The following KHDRBS2 variants were observed in gnomAD, a reference collection of about 807,000 sequenced individuals.
KHDRBS2 encodes KH domain-containing, RNA-binding, signal transduction-associated protein 2.
Under a neutral mutation model 44.3 loss-of-function variants are expected in KHDRBS2, and 26 were observed. That is an observed-to-expected ratio of 0.59 (90% CI 0.43 to 0.81). The LOEUF (loss-of-function observed/expected upper bound fraction) is 0.81, where lower values mean the gene tolerates loss of function less well. Ranked by LOEUF, KHDRBS2 falls within the 40% of genes least tolerant of loss-of-function variation. The pLI is 0.00. For synonymous variants in KHDRBS2, 194 were observed against 151.1 expected, an observed-to-expected ratio of 1.28 and a Z score of -2.08; for missense variants, 476 against 433.1, an observed-to-expected ratio of 1.10 and a Z score of -0.88.
the KHDRBS2 span, among the ~76,000 whole-genome samples, chr6:61,607,615 A>T: frequency 3.6e-4 from 53 of 148,860 alleles, no homozygotes; most frequent in Middle Eastern, 0.011. Flanking sequence ...GATGATTTTT[A>T]AAAAAATTAA....
At chr6:62,207,058 G>C (rs369983282) in intron 1 of KHDRBS2, among the ~76,000 whole-genome samples, 1 of 151,960 alleles carries the variant, frequency 6.6e-6, no homozygotes, top group Admixed American at 6.6e-5. Flanking sequence ...CTTTAATCCT[G>C]TAAGACTTTA....
intron 2 of KHDRBS2, among the ~76,000 whole-genome samples, chr6:62,079,088 G>A (rs1250504551): frequency 6.6e-6 from 1 of 151,882 alleles, no homozygotes; most frequent in African/African-American, 2.4e-5. Context: ...TTTAAATCAT[G>A]AACTAAGCAC....
At chr6:61,553,090 T>A in the KHDRBS2 span, among the ~76,000 whole-genome samples, 1 of 152,198 alleles carries the variant, frequency 6.6e-6, no homozygotes, top group Non-Finnish European at 1.5e-5. Context: ...TTGCTCTTCT[T>A]TATACAAGTG....
intron 3 of KHDRBS2, among the ~76,000 whole-genome samples, chr6:62,020,366 T>G (rs909193425): frequency 3.9e-5 from 6 of 152,022 alleles, no homozygotes; most frequent in African/African-American, 9.6e-5. Context: ...TCACCCAGAA[T>G]GTGGTATACT....
chr6:62,098,773 C>A (rs1801215154), intron 2 of KHDRBS2, among the ~76,000 whole-genome samples: 1 of 152,128 alleles, frequency 6.6e-6, no homozygotes. Context: ...ACCCAGAAAA[C>A]ATGAAAAGTT....
the KHDRBS2 span, among the ~76,000 whole-genome samples, chr6:61,632,539 C>A: frequency 6.6e-6 from 1 of 152,126 alleles, no homozygotes; most frequent in South Asian, 2.1e-4. Flanking sequence ...ATTTAGAAAT[C>A]AAAAAGTAAA....
intron 4 of KHDRBS2, among the ~76,000 whole-genome samples, chr6:61,941,396 C>T (rs1479403146): frequency 6.6e-6 from 1 of 152,112 alleles, no homozygotes; most frequent in African/African-American, 2.4e-5. Context: ...ACCTGCCCAC[C>T]CACCCGCTAC....
chr6:61,718,550 G>A (rs895595819), intron 7 of KHDRBS2, among the ~76,000 whole-genome samples: 2 of 151,980 alleles, frequency 1.3e-5, no homozygotes, highest in East Asian at 1.9e-4. Flanking sequence ...TGGCAACACC[G>A]TCTATTGGAT....
the KHDRBS2 span, among the ~76,000 whole-genome samples, chr6:61,574,878 A>T: frequency 6.6e-6 from 1 of 152,214 alleles, no homozygotes; most frequent in Non-Finnish European, 1.5e-5. Context: ...ATTGCACTCC[A>T]GCCTGGGCAA....
intron 1 of KHDRBS2, among the ~76,000 whole-genome samples, chr6:62,220,886 G>T (rs1209978709): frequency 6.6e-6 from 1 of 151,830 alleles, no homozygotes; most frequent in Admixed American, 6.6e-5. Context: ...AAATTTGTTA[G>T]ATTACAAATA....
chr6:62,060,284 A>G (rs1386024935), intron 2 of KHDRBS2, among the ~76,000 whole-genome samples: 1 of 151,736 alleles, frequency 6.6e-6, no homozygotes, highest in African/African-American at 2.4e-5. Context: ...GAATTGAGGG[A>G]TGGGCTGGGG....
intron 6 of KHDRBS2, among the ~76,000 whole-genome samples, chr6:61,750,620 G>A (rs1226813212): frequency 6.6e-6 from 1 of 152,106 alleles, no homozygotes; most frequent in African/African-American, 2.4e-5. Context: ...AACCAACCAA[G>A]TGTCTTTAGA....
At chr6:62,041,800 T>C (rs914714357) in intron 3 of KHDRBS2, among the ~76,000 whole-genome samples, 2 of 152,092 alleles carry the variant, frequency 1.3e-5, no homozygotes, top group Non-Finnish European at 2.9e-5. Flanking sequence ...TATATAACTT[T>C]GATTCAAAAT....
chr6:61,617,970 A>G, the KHDRBS2 span, among the ~76,000 whole-genome samples: 1 of 152,196 alleles, frequency 6.6e-6, no homozygotes, highest in Non-Finnish European at 1.5e-5. Context: ...GCACTATTTT[A>G]GAATAATTTG....
chr6:61,704,592 T>C (rs932482794), intron 7 of KHDRBS2, among the ~76,000 whole-genome samples: 1 of 151,820 alleles, frequency 6.6e-6, no homozygotes, highest in Non-Finnish European at 1.5e-5. Flanking sequence ...AAGGACCTTG[T>C]CTTAACATGG....
chr6:61,565,076 TC>T, the KHDRBS2 span, among the ~76,000 whole-genome samples: 3 of 152,060 alleles, frequency 2.0e-5, no homozygotes, highest in Admixed American at 2.0e-4. Context: ...GAAGGGACAG[TC>T]TTTTCAACAA....
At chr6:61,558,431 G>A in the KHDRBS2 span, among the ~76,000 whole-genome samples, 13 of 152,010 alleles carry the variant, frequency 8.6e-5, no homozygotes, top group East Asian at 2.1e-3. Flanking sequence ...ACATGGTGGT[G>A]CATGCCTATC....
intron 3 of KHDRBS2, among the ~76,000 whole-genome samples, chr6:62,017,764 AT>A (rs1284569822): frequency 2.0e-5 from 3 of 152,118 alleles, no homozygotes; most frequent in African/African-American, 7.2e-5. Flanking sequence ...AACAATTTAG[AT>A]TGTAATATTT....
intron 3 of KHDRBS2, among the ~76,000 whole-genome samples, chr6:61,984,818 G>A (rs1432025820): frequency 6.6e-6 from 1 of 152,182 alleles, no homozygotes; most frequent in Non-Finnish European, 1.5e-5. Flanking sequence ...AGAATAGGAA[G>A]TGTTTCTGCC....
Sources: allele counts gnomAD v4.1 joint callset (sites outside exome capture counted in the v4.1 genomes callset), GRCh38; gene constraint gnomAD v4.1.1; transcripts MANE v1.5; gene names NCBI Gene and HGNC (gene_info 2026-07-23, HGNC 2026-07-21).